Variants in KCNJ15 observed in about 807,000 individuals in gnomAD.
KCNJ15 encodes the protein potassium inwardly rectifying channel subfamily J member 15.
Under a neutral mutation model 23.0 loss-of-function variants are expected in KCNJ15, and 14 were observed. The ratio of observed to expected loss-of-function variants is 0.61; its 90% confidence interval spans 0.40 to 0.95. KCNJ15 has a LOEUF of 0.95. KCNJ15 is among the 40% of genes least tolerant of loss of function. The probability of loss-of-function intolerance (pLI) is 0.00; values close to 1 mark genes in which losing one functional copy is unlikely to be tolerated. For missense variants in KCNJ15, 388 were observed against 461.8 expected (o/e 0.84, Z 1.46); for synonymous variants, 185 against 183.2 (o/e 1.01, Z -0.08).
chr21:38,253,278 C>T (rs1322122969), upstream of KCNJ15, among the ~76,000 whole-genome samples: 1 of 152,184 alleles, frequency 6.6e-6, no homozygotes, highest in Non-Finnish European at 1.5e-5. Context: ...TACCTCCAGA[C>T]AAGATTTTAA....
intron 1 of KCNJ15, among the ~76,000 whole-genome samples, chr21:38,230,006 A>G (rs1056376982): frequency 3.3e-5 from 5 of 152,210 alleles, no homozygotes; most frequent in Non-Finnish European, 7.3e-5. Flanking sequence ...ACATTCATGC[A>G]CAAATTTTTA....
At chr21:38,256,815 A>G (rs1163090164), upstream of KCNJ15, 1 of 152,024 alleles carries the variant, frequency 6.6e-6, no homozygotes, top group Admixed American at 6.6e-5. Context: ...AGACCTTAAG[A>G]CATGCTGACA....
chr21:38,292,469 C>T (rs1379602477), intron 1 of KCNJ15, among the ~76,000 whole-genome samples: 1 of 152,116 alleles, frequency 6.6e-6, no homozygotes, highest in Non-Finnish European at 1.5e-5. Flanking sequence ...GGATATGATA[C>T]CCTTACAACT....
At chr21:38,238,401 G>A in intron 1 of KCNJ15, 1 of 706,380 alleles carries the variant, frequency 1.4e-6, no homozygotes, top group Admixed American at 1.8e-5. Flanking sequence ...TCAGCACCAT[G>A]TTAGGAATGT....
intron 1 of KCNJ15, among the ~76,000 whole-genome samples, chr21:38,261,880 G>A (rs1368468951): frequency 6.6e-6 from 1 of 152,180 alleles, no homozygotes; most frequent in Non-Finnish European, 1.5e-5. Context: ...GAATATCTGT[G>A]TCTTTGGTGA....
intron 1 of KCNJ15, chr21:38,267,272 G>GTCAGT (rs1481220231): frequency 1.3e-5 from 2 of 152,232 alleles, no homozygotes; most frequent in African/African-American, 4.8e-5. Context: ...TTTTGGATGA[G>GTCAGT]TCAGTTCTGG....
At chr21:38,244,801 C>A (rs1245603913) in intron 1 of KCNJ15, among the ~76,000 whole-genome samples, 1 of 152,178 alleles carries the variant, frequency 6.6e-6, no homozygotes, top group Non-Finnish European at 1.5e-5. Context: ...GGGAGAACTG[C>A]TGCTAATGAG....
At chr21:38,270,090 A>G (rs547050233) in intron 1 of KCNJ15, among the ~76,000 whole-genome samples, 2 of 152,214 alleles carry the variant, frequency 1.3e-5, no homozygotes, top group South Asian at 4.2e-4. Context: ...GAATCTCATT[A>G]TGTAGCTTCG....
chr21:38,238,684 A>T lies in KCNJ15; in HGVS notation c.-398-18362A>T, dbSNP rs1258712231. ...GGGCTCTGGAGACTGTAATGTTTTAAACTCTAGGAGGAATGTCCTCTGAAA... is the reference window on the plus strand; with the variant it reads ...GGGCTCTGGAGACTGTAATGTTTTATACTCTAGGAGGAATGTCCTCTGAAA... On this transcript the variant is annotated intron_variant, in intron 1 of 4. Transcript: ENST00000547341. The T allele has an allele frequency of 1.0e-5, 5 of 492,176 alleles. No individual in the cohort carries two copies. In the Admixed American group the frequency reaches 1.4e-4, roughly 14 times the overall value. The allele number at this position is 492,176 out of a possible 1,614,324, so 30.5% of individuals were successfully genotyped here.
intron 1 of KCNJ15, chr21:38,238,582 C>G (rs554917361): frequency 6.3e-4 from 395 of 622,748 alleles, no homozygotes; most frequent in Non-Finnish European, 9.4e-4. Flanking sequence ...TAGGCACACA[C>G]ACTTGTCCAT....
intron 1 of KCNJ15, among the ~76,000 whole-genome samples, chr21:38,261,705 A>G (rs543538580): frequency 4.6e-5 from 7 of 152,298 alleles, no homozygotes; most frequent in African/African-American, 1.4e-4. Context: ...TTCCTATGGT[A>G]GAATATGTGA....
chr21:38,280,681 T>G (rs1171246547), intron 1 of KCNJ15, among the ~76,000 whole-genome samples: 8 of 152,162 alleles, frequency 5.3e-5, no homozygotes, highest in Non-Finnish European at 1.2e-4. Flanking sequence ...AGGATCATTT[T>G]GTAATACTGT....
rs982787164 is a variant in KCNJ15 at position 38,280,526 on chromosome 21, C to T, written c.-116-16400C>T. Among the ~76,000 whole-genome samples, 14 of 152,216 alleles carry T rather than the reference C, an allele frequency of 9.2e-5. No individual in the cohort carries two copies. In the South Asian group the frequency reaches 1.2e-3, roughly 14 times the overall value. The stretch of plus-strand genomic sequence containing the variant: ...TAGCTGTTATTAGTGAGAATATAAG[C>T]GACGCCTGACTTAGCACTCTGTTAC... On this transcript the variant is annotated intron_variant, in intron 1 of 2. Transcript: ENST00000398938.
intron 1 of KCNJ15, among the ~76,000 whole-genome samples, chr21:38,261,708 A>T (rs1290077611): frequency 6.6e-6 from 1 of 152,204 alleles, no homozygotes; most frequent in Non-Finnish European, 1.5e-5. Flanking sequence ...CTATGGTAGA[A>T]TATGTGAGTA....
intron 1 of KCNJ15, chr21:38,285,560 A>C (rs1983798412): frequency 6.6e-6 from 1 of 152,136 alleles, no homozygotes; most frequent in African/African-American, 2.4e-5. Context: ...AGTACAGAAG[A>C]GATAATGTTC....
chr21:38,300,101 G>A lies in KCNJ15; in HGVS notation c.840G>A (p.Val280=), dbSNP rs759831724. The change falls in exon 3 of 3, where the codon GTG becomes GTA. Residue 280 remains valine (V), a synonymous_variant. Transcript: ENST00000398938. ...QNLKEKEFEL[V]VLLNATVEST... The stretch of plus-strand genomic sequence containing the variant: ...TAAAGGAGAAGGAGTTTGAGCTTGT[G>A]GTCCTCCTCAATGCCACTGTGGAAT... 1.2e-6 allele frequency: 2 copies of A among 1,614,024 alleles called. No homozygotes were observed. The highest frequency in any genetic ancestry group is 1.1e-5 in the South Asian group (1 of 91,090).
At chr21:38,247,522 GTGGATGGATGGATGGA>G (rs10579917) in intron 1 of KCNJ15, among the ~76,000 whole-genome samples, 8,489 of 137,402 alleles carry the variant, frequency 0.062, 577 homozygotes, top group African/African-American at 0.17. Context: ...AGATGCATAG[GTGGATGGATGGATGGA>G]TGGATGGATG....
intron 1 of KCNJ15, among the ~76,000 whole-genome samples, chr21:38,233,649 A>T (rs1978416355): frequency 6.6e-6 from 1 of 152,138 alleles, no homozygotes. Flanking sequence ...AAGAGAGAAG[A>T]CTCAAATTAT....
chr21:38,231,802 C>A (rs1256010393), intron 1 of KCNJ15, among the ~76,000 whole-genome samples: 1 of 151,730 alleles, frequency 6.6e-6, no homozygotes, highest in Non-Finnish European at 1.5e-5. Context: ...CATTATATTT[C>A]TGAGATATAT....
Sources: gnomAD v4.1 joint callset for allele counts (sites outside exome capture counted in the v4.1 genomes callset) on GRCh38, gnomAD v4.1.1 for gene constraint, MANE v1.5 for transcripts, NCBI Gene and HGNC (gene_info 2026-07-23, HGNC 2026-07-21) for gene names.